The following ELK4 variants were observed in gnomAD, a reference collection of about 807,000 sequenced individuals.
The protein encoded by ELK4 is ETS domain-containing protein Elk-4.
ELK4 carries 16 observed loss-of-function variants against 29.6 expected under a neutral mutation model. That is an observed-to-expected ratio of 0.54 (90% CI 0.37 to 0.82). ELK4 has a LOEUF of 0.82. ELK4 is among the 40% of genes least tolerant of loss of function. ELK4 has a pLI of 0.00. For synonymous variants in ELK4, 213 were observed against 191.1 expected, an observed-to-expected ratio of 1.11 and a Z score of -0.95; for missense variants, 465 against 507.1, an observed-to-expected ratio of 0.92 and a Z score of 0.80.
chr1:205,617,704 C>T (rs1571496153), intron 4 of ELK4, among the ~76,000 whole-genome samples: 1 of 151,900 alleles, frequency 6.6e-6, no homozygotes, highest in East Asian at 1.9e-4. Flanking sequence ...GAGTTTGAGA[C>T]CAGCCTGATC....
Position 205,616,417 on chromosome 1 carries a change from T to C in ELK4, c.*129A>G, listed in dbSNP as rs1261869110. On this transcript the variant is annotated 3_prime_UTR_variant, in exon 5 of 5. Coordinates refer to ENST00000357992, the MANE Select transcript of ELK4 (RefSeq NM_001973.4). ...GAGAATCCTAAAAAGATGTTTTCAA[T>C]GGGGAATGGCAAAAATCACAATAGT... is the stretch of plus-strand genomic sequence containing the variant. The C allele has an allele frequency of 7.5e-6, 6 of 799,524 alleles. No homozygotes were observed. The highest frequency in any genetic ancestry group is 2.7e-5 in the East Asian group (1 of 36,904). The allele number at this position is 799,524 out of a possible 1,614,324, so 49.5% of individuals were successfully genotyped here.
Position 205,620,641 on chromosome 1 carries a change from G to A in ELK4, c.405C>T (p.Thr135=). 2 of 1,614,112 alleles carry A rather than the reference G, an allele frequency of 1.2e-6. No homozygotes were observed. Among genetic ancestry groups the A allele is most frequent in the Non-Finnish European group, 1.7e-6 (2 of 1,180,018 alleles). ...AGTGTATGTAGTCATTGCGGCTAGAGGTCTTGGCACCAGGCTGAGGTGGTT... is the reference window on the plus strand; with the variant it reads ...AGTGTATGTAGTCATTGCGGCTAGAAGTCTTGGCACCAGGCTGAGGTGGTT... ...KDKPPQPGAK[T]SSRNDYIHSG... The change falls in exon 3 of 5, where the codon ACC becomes ACT. Residue 135 remains threonine, a synonymous_variant. Transcript: ENST00000357992.
Position 205,610,147 on chromosome 1 carries a change from C to T in ELK4, c.*6399G>A, listed in dbSNP as rs1310042137. ...GATTCCATTGGCTAGAACTCTGGGCCAGCCACAGGAAACCCCCACCTCCTC... is the reference window on the plus strand; with the variant it reads ...GATTCCATTGGCTAGAACTCTGGGCTAGCCACAGGAAACCCCCACCTCCTC... On this transcript the variant is annotated 3_prime_UTR_variant, in exon 5 of 5. Coordinates refer to ENST00000357992, the MANE Select transcript of ELK4 (RefSeq NM_001973.4). The T allele has an allele frequency of 8.6e-6, 2 of 232,156 alleles. No homozygotes were observed. Among genetic ancestry groups the T allele is most frequent in the Admixed American group, 5.6e-5 (1 of 17,742 alleles). The allele number at this position is 232,156 out of a possible 1,614,324, so 14.4% of individuals were successfully genotyped here. A position where few individuals can be genotyped will look rare whatever the true frequency, so the allele number is the denominator to read the frequency against.
In ELK4 at chr1:205,616,384, TATTCAAA is replaced by T; in HGVS notation, c.*155_*161del. On this transcript the variant is annotated 3_prime_UTR_variant, in exon 5 of 5. Coordinates refer to ENST00000357992, the MANE Select transcript of ELK4 (RefSeq NM_001973.4). ...TATACATATAGTCCAACTTGAGTCC[TATTCAAA>T]GAGAATCCTAAAAAGATGTTTTCAA... 1 of 605,210 alleles carries T rather than the reference TATTCAAA, an allele frequency of 1.7e-6. No individual in the cohort carries two copies. The highest frequency in any genetic ancestry group is 2.3e-5 in the South Asian group (1 of 44,202). The allele number at this position is 605,210 out of a possible 1,614,324, so 37.5% of individuals were successfully genotyped here.
Position 205,615,510 on chromosome 1 carries a change from C to T in ELK4, c.*1036G>A, listed in dbSNP as rs891461432. ...TTAAAACTATCATAACCTCTAACAA[C>T]CTTAAACATAAAGGAAAGGTGATAA... is the stretch of plus-strand genomic sequence containing the variant. On this transcript the variant is annotated 3_prime_UTR_variant, in exon 5 of 5. Transcript: ENST00000357992. 5.5e-6 allele frequency: 1 copy of T among 181,164 alleles called. No individual in the cohort carries two copies. Among genetic ancestry groups the T allele is most frequent in the African/African-American group, 2.4e-5 (1 of 42,262 alleles). 11.2% of individuals were successfully genotyped at this position (181,164 alleles called of 1,614,324 possible). A position where few individuals can be genotyped will look rare whatever the true frequency, so the allele number is the denominator to read the frequency against.
rs936977929 is a variant in ELK4, at chr1:205,616,493, G to A, written c.*53C>T. On this transcript the variant is annotated 3_prime_UTR_variant, in exon 5 of 5. Transcript: ENST00000357992. The stretch of plus-strand genomic sequence containing the variant: ...AATTGCTCACTTCAAATGCAATCAT[G>A]TTGAATGTCTGTTTCTTCGTTCCTC... The A allele has an allele frequency of 6.7e-7, 1 of 1,497,558 alleles. No homozygotes were observed. The highest frequency in any genetic ancestry group is 1.4e-5 in the African/African-American group (1 of 72,550). 92.8% of individuals were successfully genotyped at this position (1,497,558 alleles called of 1,614,324 possible).
Position 205,631,678 on chromosome 1 carries a change from T to C in ELK4, c.-56A>G, listed in dbSNP as rs141200476. 351 of 345,484 alleles carry C rather than the reference T, an allele frequency of 1.0e-3. 2 individuals carry two copies. Among genetic ancestry groups the C allele is most frequent in the African/African-American group, 7.4e-3 (331 of 44,880 alleles). The allele number at this position is 345,484 out of a possible 1,614,324, so 21.4% of individuals were successfully genotyped here. A position where few individuals can be genotyped will look rare whatever the true frequency, so the allele number is the denominator to read the frequency against. ...CCCTCGGTCTCCGCCTCGAACACGA[T>C]GCGCCTCTCCGCCCTCAGCCTCCTC... is the stretch of plus-strand genomic sequence containing the variant. On this transcript the variant is annotated 5_prime_UTR_variant, in exon 1 of 5. Transcript: ENST00000357992.
In ELK4 at chr1:205,608,475, G is replaced by A. The variant is rs1192535251; in HGVS notation, c.*8071C>T. ...CAGGTAAGTCAGACTGCTTAGCTAG[G>A]AGATGTGGCAGCTTCCCTCCAGCTG... On this transcript the variant is annotated 3_prime_UTR_variant, in exon 5 of 5. Coordinates refer to ENST00000357992, the MANE Select transcript of ELK4 (RefSeq NM_001973.4). 1 of 196,360 alleles carries A rather than the reference G, an allele frequency of 5.1e-6. No homozygotes were observed. The highest frequency in any genetic ancestry group is 8.0e-5 in the East Asian group (1 of 12,448). 12.2% of individuals were successfully genotyped at this position (196,360 alleles called of 1,614,324 possible). A position where few individuals can be genotyped will look rare whatever the true frequency, so the allele number is the denominator to read the frequency against.
intron 4 of ELK4, among the ~76,000 whole-genome samples, chr1:205,618,163 G>C (rs939743232): frequency 3.3e-5 from 5 of 151,938 alleles, no homozygotes; most frequent in Non-Finnish European, 7.4e-5. Flanking sequence ...GTAGCTCTAG[G>C]GGCCACAGGC....
intron 2 of ELK4, among the ~76,000 whole-genome samples, chr1:205,622,370 A>G (rs1670368394): frequency 1.3e-5 from 2 of 152,250 alleles, no homozygotes; most frequent in Admixed American, 6.5e-5. Flanking sequence ...TAAAACGTAT[A>G]TATGTAGATA....
At chr1:205,619,368 C>T in intron 3 of ELK4, 1 of 1,066,810 alleles carries the variant, frequency 9.4e-7, no homozygotes, top group Non-Finnish European at 1.1e-6. Context: ...GATTCTGGTG[C>T]TCAACCTCTT....
In ELK4 at chr1:205,610,198, G is replaced by T. The variant is rs1413940093; in HGVS notation, c.*6348C>A. The T allele has an allele frequency of 3.5e-5, 8 of 231,784 alleles. No individual in the cohort carries two copies. The Admixed American group carries it at 4.5e-4, about 13-fold the overall frequency. 14.4% of individuals were successfully genotyped at this position (231,784 alleles called of 1,614,324 possible). On this transcript the variant is annotated 3_prime_UTR_variant, in exon 5 of 5. Transcript: ENST00000357992. ...CCCGACCCCATCCAGAAGATCCCAG[G>T]CCTATGTGAGCATGACTCACAATCC...
rs1304858326 is a variant in ELK4 at position 205,620,604 on chromosome 1, A to T, written c.442T>A (p.Ser148Thr). ...RNDYIHSGLY[S>T]SFTLNSLNSS... ...TTCAAAGAGTTGAGAGTAAATGAAGAATATAAGCCAGAGTGTATGTAGTCA... is the reference window on the plus strand; with the variant it reads ...TTCAAAGAGTTGAGAGTAAATGAAGTATATAAGCCAGAGTGTATGTAGTCA... The change falls in exon 3 of 5, where the codon TCT becomes ACT. Residue 148 changes from serine to threonine, a missense_variant. Ser to Thr is a moderately conservative substitution (Grantham distance 58). Transcript: ENST00000357992. 2.5e-6 allele frequency: 4 copies of T among 1,614,036 alleles called. No individual in the cohort carries two copies. The highest frequency in any genetic ancestry group is 1.3e-5 in the African/African-American group (1 of 74,896).
At chr1:205,628,011 C>G (rs1670500845) in intron 1 of ELK4, among the ~76,000 whole-genome samples, 2 of 152,218 alleles carry the variant, frequency 1.3e-5, no homozygotes, top group African/African-American at 4.8e-5. Flanking sequence ...TTAGGGAAAC[C>G]ACTTTCCAAA....
chr1:205,619,267 C>T lies in ELK4; in HGVS notation c.1081-194G>A. On this transcript the variant is annotated intron_variant, in intron 3 of 4. Coordinates refer to ENST00000357992, the MANE Select transcript of ELK4 (RefSeq NM_001973.4). ...AGAGGGATAAAGGTGATAATAACTA[C>T]TTAAAATTTTTTAAATTTTTATTTC... The T allele has an allele frequency of 3.8e-6, 4 of 1,053,618 alleles. No homozygotes were observed. The South Asian group carries it at 1.9e-4, about 50-fold the overall frequency. The allele number at this position is 1,053,618 out of a possible 1,614,324, so 65.3% of individuals were successfully genotyped here.
chr1:205,618,967 G>A lies in ELK4; in HGVS notation c.1187C>T (p.Thr396Ile), dbSNP rs1670280489. The stretch of plus-strand genomic sequence containing the variant: ...TATTTATAAAATTACCTGGAAAAGT[G>A]TGTTAGCACCTTGCAGTCTGGCTGG... ...LSPARLQGAN[T>I]LFQFPSVLNS... Residue 396 changes from threonine to isoleucine, a missense_variant, in exon 4 of 5, where the codon ACA (threonine) becomes ATA (isoleucine). Coordinates refer to ENST00000357992, the MANE Select transcript of ELK4 (RefSeq NM_001973.4). 2 of 1,607,740 alleles carry A rather than the reference G, an allele frequency of 1.2e-6. No individual in the cohort carries two copies. Among genetic ancestry groups the A allele is most frequent in the Admixed American group, 1.7e-5 (1 of 58,738 alleles).
intron 2 of ELK4, 141 bp downstream of exon 2, chr1:205,623,535 G>C: frequency 1.2e-6 from 1 of 863,558 alleles, no homozygotes; most frequent in Non-Finnish European, 1.8e-6. Flanking sequence ...GGCTGGTCTT[G>C]AACTCCTGAC....
At chr1:205,631,502 C>T (rs1359879099) in intron 1 of ELK4, 130 bp downstream of exon 1, 8 of 145,744 alleles carry the variant, frequency 5.5e-5, no homozygotes, top group Non-Finnish European at 1.2e-4. Flanking sequence ...AAGGGGAGCG[C>T]GCGCGCCCGG....
rs1400274158 is a variant in ELK4, at chr1:205,620,100, AATT to A, written c.943_945del (p.Asn315del). 5.0e-6 allele frequency: 8 copies of A among 1,614,008 alleles called. No individual in the cohort carries two copies. Among genetic ancestry groups the A allele is most frequent in the Non-Finnish European group, 6.8e-6 (8 of 1,180,024 alleles). On this transcript the variant is annotated inframe_deletion, in exon 3 of 5. Coordinates refer to ENST00000357992, the MANE Select transcript of ELK4 (RefSeq NM_001973.4). ...CCTTTGGGTTTCTTGGATCTTGATG[AATT>A]ATTTACTTTGTCCTTTTCTAGCAAG...
Sources: allele counts gnomAD v4.1 joint callset (sites outside exome capture counted in the v4.1 genomes callset), GRCh38; gene constraint gnomAD v4.1.1; transcripts MANE v1.5; gene names NCBI Gene and HGNC (gene_info 2026-07-23, HGNC 2026-07-21).